Variants in ZNF721 observed in about 807,000 individuals in gnomAD.
ZNF721 encodes zinc finger protein 721.
ZNF721 carries 2 observed loss-of-function variants against 2.4 expected under a neutral mutation model. The observed-to-expected ratio is 0.82, with a 90% CI of 0.34 to 2.58. ZNF721 has a LOEUF of 2.58. Ranked by LOEUF, ZNF721 falls within the 30% of genes most tolerant of loss-of-function variation. ZNF721 has a pLI of 0.11. For missense variants in ZNF721, 1,187 were observed against 1,085.5 expected, an observed-to-expected ratio of 1.09 and a Z score of -1.31; for synonymous variants, 398 against 381.8, an observed-to-expected ratio of 1.04 and a Z score of -0.50.
rs1414420579 is a variant in ZNF721 at position 483,242 on chromosome 4, GACAA to G, written c.-93-10545_-93-10542del. On this transcript the variant is annotated intron_variant, in intron 1 of 2. Coordinates refer to ENST00000511833, the MANE Select transcript of ZNF721 (RefSeq NM_133474.4). ...CTCTAATAAAACACTTGTATAAAAA[GACAA>G]ACAATCTATAACATTGCCTCTTGGC... 4.6e-5 allele frequency among the ~76,000 whole-genome samples: 7 copies of G among 152,258 alleles called. No homozygotes were observed. In the East Asian group the frequency reaches 9.7e-4, roughly 21 times the overall value.
At chr4:486,465 G>A (rs1715900424) in intron 1 of ZNF721, among the ~76,000 whole-genome samples, 1 of 152,196 alleles carries the variant, frequency 6.6e-6, no homozygotes, top group Admixed American at 6.5e-5. Flanking sequence ...CCTTAGTTGT[G>A]TGTGATTTCT....
At chr4:475,918 T>C (rs1425229068) in intron 1 of ZNF721, among the ~76,000 whole-genome samples, 1 of 152,200 alleles carries the variant, frequency 6.6e-6, no homozygotes, top group Non-Finnish European at 1.5e-5. Flanking sequence ...TATACATCTA[T>C]GCTACCATAA....
intron 1 of ZNF721, among the ~76,000 whole-genome samples, chr4:474,552 G>A (rs1375967428): frequency 1.3e-5 from 2 of 152,088 alleles, no homozygotes; most frequent in Non-Finnish European, 2.9e-5. Context: ...TAGGACACCT[G>A]AGATTTGAAG....
chr4:446,871 G>T (rs1369731966), intron 2 of ZNF721, among the ~76,000 whole-genome samples: 2 of 151,124 alleles, frequency 1.3e-5, no homozygotes, highest in African/African-American at 4.9e-5. Context: ...TTGCATTTCT[G>T]GTGAAGATGG....
At chr4:460,362 G>C (rs1306552211) in intron 2 of ZNF721, among the ~76,000 whole-genome samples, 2 of 152,116 alleles carry the variant, frequency 1.3e-5, no homozygotes, top group African/African-American at 4.8e-5. Flanking sequence ...AATTAAGGTA[G>C]AAATAAATAA....
intron 1 of ZNF721, among the ~76,000 whole-genome samples, chr4:497,348 A>G (rs1358606033): frequency 1.3e-5 from 2 of 152,132 alleles, no homozygotes; most frequent in Non-Finnish European, 2.9e-5. Flanking sequence ...TAAGGTGCCA[A>G]GCCAATACCG....
chr4:449,197 T>C (rs530383109), intron 2 of ZNF721, among the ~76,000 whole-genome samples: 19 of 152,178 alleles, frequency 1.2e-4, no homozygotes, highest in African/African-American at 4.6e-4. Context: ...AAATATATGA[T>C]TGTAAAGTTT....
chr4:474,865 G>C (rs1172482987), intron 1 of ZNF721, among the ~76,000 whole-genome samples: 6 of 151,986 alleles, frequency 3.9e-5, no homozygotes, highest in Non-Finnish European at 8.8e-5. Context: ...GACAGAGTGA[G>C]ACTCCGTCTC....
rs373444908 is a variant in ZNF721 at position 443,435 on chromosome 4, C to G, written c.1032G>C (p.Gln344His). Residue 344 changes from glutamine to histidine, a missense_variant, in exon 3 of 3, where the codon CAG (glutamine) becomes CAC (histidine). Gln to His is a conservative substitution (Grantham distance 24). Coordinates refer to ENST00000511833, the MANE Select transcript of ZNF721 (RefSeq NM_133474.4). ...TCGECGKTFRQSANLYVHRRI... is the reference protein window; with the variant it reads ...TCGECGKTFRHSANLYVHRRI... Reference sequence around the variant, plus strand: ...TCCTATGTACGTAAAGGTTTGCGGACTGTCTAAAGGTTTTGCCACATTCTC... The same window carrying G: ...TCCTATGTACGTAAAGGTTTGCGGAGTGTCTAAAGGTTTTGCCACATTCTC... 23 of 1,611,936 alleles carry G rather than the reference C, an allele frequency of 1.4e-5. No homozygotes were observed. The highest frequency in any genetic ancestry group is 1.6e-5 in the Non-Finnish European group (19 of 1,178,346).
intron 2 of ZNF721, among the ~76,000 whole-genome samples, chr4:445,554 TAA>T (rs546300951): frequency 6.3e-4 from 96 of 151,954 alleles, no homozygotes; most frequent in African/African-American, 2.3e-3. Context: ...CAGAAAACCA[TAA>T]AAAAAGATGT....
At chr4:458,422 A>G (rs1714911025) in intron 2 of ZNF721, among the ~76,000 whole-genome samples, 2 of 152,220 alleles carry the variant, frequency 1.3e-5, no homozygotes, top group Non-Finnish European at 2.9e-5. Context: ...ACTAGTCTAT[A>G]ATGACTGAAA....
chr4:441,984 C>T lies in ZNF721; in HGVS notation c.2483G>A (p.Arg828Lys), dbSNP rs1560222640. The T allele has an allele frequency of 6.2e-7, 1 of 1,612,344 alleles. No homozygotes were observed. The highest frequency in any genetic ancestry group is 8.5e-7 in the Non-Finnish European group (1 of 1,179,414). Residue 828 changes from arginine to lysine, a missense_variant, in exon 3 of 3, where the codon AGG becomes AAG. Physicochemically the swap from Arg to Lys is conservative, Grantham distance 26 (BLOSUM62 2). Transcript: ENST00000511833. ...GGGTTTCTCTCCAGTATGAATTCTC[C>T]TATGTTTAGTAAGGGTTGTGGAACT... ...FTSSTTLTKH[R>K]RIHTGEKPYT...
chr4:448,598 C>A (rs1238351876), intron 2 of ZNF721, among the ~76,000 whole-genome samples: 1 of 152,024 alleles, frequency 6.6e-6, no homozygotes, highest in Admixed American at 6.6e-5. Flanking sequence ...AAACAGCAAA[C>A]CCCATATTAT....
intron 2 of ZNF721, among the ~76,000 whole-genome samples, chr4:461,664 G>C (rs1269672972): frequency 6.6e-6 from 1 of 152,172 alleles, no homozygotes; most frequent in Non-Finnish European, 1.5e-5. Flanking sequence ...CTTGAGGTCA[G>C]GAGTTCAAGA....
rs375487945 is a variant in ZNF721, at chr4:443,808, G to C, written c.659C>G (p.Pro220Arg). 3 of 1,613,708 alleles carry C rather than the reference G, an allele frequency of 1.9e-6. No homozygotes were observed. In the African/African-American group the frequency reaches 4.0e-5, roughly 22 times the overall value. The stretch of plus-strand genomic sequence containing the variant: ...TTTCCCACATTCTTTACATTTGTAG[G>C]GTTTATCTCCAGTATGAATTTTCTT... ...EYKKIHTGDK[P>R]YKCKECGKAF... The change falls in exon 3 of 3, where the codon CCC becomes CGC. Residue 220 changes from proline to arginine, a missense_variant. Physicochemically the swap from Pro to Arg is moderately radical, Grantham distance 103. Coordinates refer to ENST00000511833, the MANE Select transcript of ZNF721 (RefSeq NM_133474.4).
At chr4:450,218 A>G (rs1446332990) in intron 2 of ZNF721, among the ~76,000 whole-genome samples, 3 of 149,740 alleles carry the variant, frequency 2.0e-5, no homozygotes, top group Non-Finnish European at 3.0e-5. Flanking sequence ...AGAAATCTAC[A>G]CTCCCATGTT....
At chr4:479,052 C>G (rs186299530) in intron 1 of ZNF721, among the ~76,000 whole-genome samples, 1,833 of 152,268 alleles carry the variant, frequency 0.012, 14 homozygotes, top group Middle Eastern at 0.041. Flanking sequence ...CAGGTGTGAA[C>G]CACCGCGCCC....
At chr4:448,486 A>C (rs1714550661) in intron 2 of ZNF721, among the ~76,000 whole-genome samples, 1 of 152,082 alleles carries the variant, frequency 6.6e-6, no homozygotes, top group Non-Finnish European at 1.5e-5. Flanking sequence ...TAAACAATAC[A>C]AACTAAAGAT....
At chr4:490,214 C>T (rs377655530) in intron 1 of ZNF721, among the ~76,000 whole-genome samples, 5 of 151,948 alleles carry the variant, frequency 3.3e-5, no homozygotes, top group East Asian at 2.0e-4. Context: ...CGGTGGCTCA[C>T]GCCTGTAATC....
Sources: gnomAD v4.1 joint callset for allele counts (sites outside exome capture counted in the v4.1 genomes callset) on GRCh38, gnomAD v4.1.1 for gene constraint, MANE v1.5 for transcripts, NCBI Gene and HGNC (gene_info 2026-07-23, HGNC 2026-07-21) for gene names.